AK5: variants seen among roughly 807,000 people sequenced by gnomAD.
The protein encoded by AK5 is adenylate kinase isoenzyme 5.
AK5 carries 27 observed loss-of-function variants against 69.5 expected under a neutral mutation model. The ratio of observed to expected loss-of-function variants is 0.39; its 90% CI spans 0.29 to 0.54. AK5 has a LOEUF of 0.54. Ranked by LOEUF, AK5 falls within the 20% of genes least tolerant of loss-of-function variation. The probability of loss-of-function intolerance (pLI) is 0.71; values close to 1 mark genes in which losing one functional copy is unlikely to be tolerated. For synonymous variants in AK5, 260 were observed against 244.4 expected, an observed-to-expected ratio of 1.06 and a Z score of -0.60; for missense variants, 531 against 700.4, an observed-to-expected ratio of 0.76 and a Z score of 2.73.
At chr1:77,423,238 A>T (rs1650969481) in intron 8 of AK5, among the ~76,000 whole-genome samples, 1 of 151,184 alleles carries the variant, frequency 6.6e-6, no homozygotes, top group Admixed American at 6.6e-5. Context: ...AAATAAAAAA[A>T]AAAGAAGAAC....
At chr1:77,283,134 G>T in intron 1 of AK5, 12 of 985,030 alleles carry the variant, frequency 1.2e-5, no homozygotes, top group Non-Finnish European at 1.3e-5. Flanking sequence ...ACCCGGGAAT[G>T]GGGGGACACT....
chr1:77,344,573 C>T (rs928193874), intron 6 of AK5, among the ~76,000 whole-genome samples: 6 of 152,082 alleles, frequency 3.9e-5, no homozygotes, highest in African/African-American at 1.4e-4. Context: ...CATTTTGGAG[C>T]ACTTGGACTT....
chr1:77,546,712 C>T (rs540538722), intron 13 of AK5, among the ~76,000 whole-genome samples: 2 of 152,226 alleles, frequency 1.3e-5, no homozygotes, highest in South Asian at 2.1e-4. Context: ...TCTGTCTCTA[C>T]ACAAAACAAA....
intron 6 of AK5, among the ~76,000 whole-genome samples, chr1:77,406,734 A>G (rs2100560688): frequency 7.0e-6 from 1 of 143,410 alleles, no homozygotes; most frequent in Non-Finnish European, 1.5e-5. Flanking sequence ...AAAGGATTAG[A>G]GAAAACAGTA....
chr1:77,518,789 T>A (rs1279896414), intron 11 of AK5, 62 bp downstream of exon 11: 1 of 1,525,098 alleles, frequency 6.6e-7, no homozygotes, highest in Non-Finnish European at 9.0e-7. Context: ...TTTGGGGTTT[T>A]TGTAATGAAT....
intron 10 of AK5, among the ~76,000 whole-genome samples, chr1:77,509,788 T>A (rs1657237386): frequency 6.6e-6 from 1 of 152,230 alleles, no homozygotes. Flanking sequence ...CCAACCTTTG[T>A]AAGCTCATGG....
chr1:77,391,692 T>A (rs1368219524), intron 6 of AK5, among the ~76,000 whole-genome samples: 3 of 151,894 alleles, frequency 2.0e-5, no homozygotes, highest in African/African-American at 7.3e-5. Context: ...ATTTCCCATG[T>A]GCAGACACAC....
intron 6 of AK5, among the ~76,000 whole-genome samples, chr1:77,401,463 G>A (rs939603635): frequency 6.6e-6 from 1 of 152,152 alleles, no homozygotes; most frequent in African/African-American, 2.4e-5. Context: ...CTTAGAGAAT[G>A]ACACTTATGG....
At chr1:77,557,061 A>C (rs1570363796) in intron 13 of AK5, among the ~76,000 whole-genome samples, 3 of 148,678 alleles carry the variant, frequency 2.0e-5, no homozygotes, top group Admixed American at 6.7e-5. Context: ...CAGCCTCCCT[A>C]CCTCCCCCCA....
intron 8 of AK5, among the ~76,000 whole-genome samples, chr1:77,466,358 A>G (rs1654143094): frequency 6.6e-6 from 1 of 152,140 alleles, no homozygotes; most frequent in Non-Finnish European, 1.5e-5. Context: ...ATATACACCC[A>G]TGTTCAACAT....
Position 77,534,113 on chromosome 1 carries a change from G to A in AK5, c.1429-1734G>A, listed in dbSNP as rs183432304. The stretch of plus-strand genomic sequence containing the variant: ...TGACCAACACTGTCTGGCAACTCAC[G>A]ATATTACGAGTTCTCCGTGTTGCCT... On this transcript the variant is annotated intron_variant, in intron 12 of 13. Coordinates refer to ENST00000354567, the MANE Select transcript of AK5 (RefSeq NM_174858.3). Among the ~76,000 whole-genome samples, 476 of 152,242 alleles carry A rather than the reference G, an allele frequency of 3.1e-3. 2 individuals carry two copies. The highest frequency in any genetic ancestry group is 0.011 in the African/African-American group (446 of 41,536).
At chr1:77,290,610 C>G (rs1427786220) in intron 2 of AK5, among the ~76,000 whole-genome samples, 1 of 152,056 alleles carries the variant, frequency 6.6e-6, no homozygotes, top group Admixed American at 6.6e-5. Context: ...AGTTCTAATC[C>G]CATAACCCCA....
At chr1:77,405,359 A>G (rs1649547987) in intron 6 of AK5, among the ~76,000 whole-genome samples, 1 of 152,202 alleles carries the variant, frequency 6.6e-6, no homozygotes, top group Non-Finnish European at 1.5e-5. Flanking sequence ...AACCGGGTTT[A>G]CAAGCCTCCC....
intron 13 of AK5, among the ~76,000 whole-genome samples, chr1:77,556,644 G>A (rs1419889735): frequency 1.3e-5 from 2 of 152,074 alleles, no homozygotes; most frequent in Non-Finnish European, 2.9e-5. Flanking sequence ...TCTTTTTGTT[G>A]ATATTGTTGA....
intron 3 of AK5, among the ~76,000 whole-genome samples, chr1:77,294,784 C>A (rs1287233361): frequency 1.3e-5 from 2 of 151,976 alleles, no homozygotes; most frequent in Non-Finnish European, 2.9e-5. Flanking sequence ...TGAAAAATTC[C>A]TTTTTGGTCA....
At chr1:77,466,520 A>T (rs2100686525) in intron 8 of AK5, among the ~76,000 whole-genome samples, 1 of 152,300 alleles carries the variant, frequency 6.6e-6, no homozygotes, top group East Asian at 1.9e-4. Context: ...CTGAATAAAG[A>T]CCTCATTGAT....
intron 5 of AK5, among the ~76,000 whole-genome samples, chr1:77,332,250 T>TCATTAGTTTTAC (rs1429420849): frequency 6.6e-6 from 1 of 152,078 alleles, no homozygotes; most frequent in African/African-American, 2.4e-5. Flanking sequence ...CTCTTTTTCT[T>TCATTAGTTTTAC]CATTAGTTTT....
intron 6 of AK5, among the ~76,000 whole-genome samples, chr1:77,404,178 A>G (rs1262420037): frequency 6.6e-6 from 1 of 152,150 alleles, no homozygotes; most frequent in African/African-American, 2.4e-5. Flanking sequence ...AAAAATCCCA[A>G]AGTCAAGAAA....
rs553542415 is a variant in AK5 at position 77,535,797 on chromosome 1, A to G, written c.1429-50A>G. 5.8e-6 allele frequency: 9 copies of G among 1,550,322 alleles called. No individual in the cohort carries two copies. In the South Asian group the frequency reaches 9.5e-5, roughly 16 times the overall value. ...CAGAGGCCCTGGGCCTTTCCAGAAC[A>G]TCAGCAGGGTGAGGTTTCTGACTGT... On this transcript the variant is annotated intron_variant, in intron 12 of 13. Coordinates refer to ENST00000354567, the MANE Select transcript of AK5 (RefSeq NM_174858.3).
Sources: gnomAD v4.1 joint callset for allele counts (sites outside exome capture counted in the v4.1 genomes callset) on GRCh38, gnomAD v4.1.1 for gene constraint, MANE v1.5 for transcripts, NCBI Gene and HGNC (gene_info 2026-07-23, HGNC 2026-07-21) for gene names.